Variants in MCMBP observed in about 807,000 individuals in gnomAD.
The protein encoded by MCMBP is mini-chromosome maintenance complex-binding protein.
MCMBP carries 31 observed loss-of-function variants against 81.3 expected under a neutral mutation model. That is an observed-to-expected ratio of 0.38 (90% CI 0.29 to 0.51). MCMBP has a LOEUF of 0.51. MCMBP is among the 20% of genes least tolerant of loss of function. The pLI is 0.87. For missense variants in MCMBP, 645 were observed against 772.1 expected (o/e 0.84, Z 1.95); for synonymous variants, 267 against 275.9 (o/e 0.97, Z 0.32).
In MCMBP at chr10:119,855,422, G is replaced by A. The variant is rs185440978; in HGVS notation, c.429+1916C>T. Among the ~76,000 whole-genome samples the A allele has an allele frequency of 8.5e-4, 130 of 152,214 alleles. 1 individual carries two copies. In the East Asian group the frequency reaches 0.02, roughly 23 times the overall value. ...CGCGGTGGCTCACGCCTGTAATCCC[G>A]GCACTTTGGGAGGTTGAGGCAGGTG... On this transcript the variant is annotated intron_variant, in intron 5 of 15. Coordinates refer to ENST00000369077, the MANE Select transcript of MCMBP (RefSeq NM_001256378.2).
At chr10:119,871,459 ACAG>A (rs1214690817) in intron 1 of MCMBP, among the ~76,000 whole-genome samples, 1 of 152,056 alleles carries the variant, frequency 6.6e-6, no homozygotes, top group South Asian at 2.1e-4. Flanking sequence ...GCCATTAGTT[ACAG>A]CCTGGGAAGC....
chr10:119,848,242 C>A (rs17681289), intron 7 of MCMBP, among the ~76,000 whole-genome samples: 16,470 of 151,590 alleles, frequency 0.11, 950 homozygotes, highest in South Asian at 0.17. Flanking sequence ...ACTGATTAGA[C>A]CTGGTAGAAG....
Position 119,859,105 on chromosome 10 carries a change from T to C in MCMBP, c.221A>G (p.Asp74Gly). 6.2e-7 allele frequency: 1 copy of C among 1,613,890 alleles called. No homozygotes were observed. Among genetic ancestry groups the C allele is most frequent in the Non-Finnish European group, 8.5e-7 (1 of 1,179,854 alleles). Residue 74 changes from aspartate (D) to glycine (G), a missense_variant, in exon 3 of 16, where the codon GAT becomes GGT. Coordinates refer to ENST00000369077, the MANE Select transcript of MCMBP (RefSeq NM_001256378.2). ...SFVKFRCMIQ[D>G]MFDPEFYMGV... ...CATGTAAAACTCAGGGTCAAACATA[T>C]CCTGAATCATGCAACGAAATTTCAC... is the stretch of plus-strand genomic sequence containing the variant.
At chr10:119,850,666 G>A (rs1170531559) in intron 6 of MCMBP, among the ~76,000 whole-genome samples, 9 of 148,538 alleles carry the variant, frequency 6.1e-5, no homozygotes, top group East Asian at 2.1e-4. Context: ...GGAGAATGGC[G>A]TGAACCCAGG....
Position 119,830,658 on chromosome 10 carries a change from G to A in MCMBP, c.*816C>T, listed in dbSNP as rs986363534. The A allele has an allele frequency of 6.6e-6, 1 of 152,522 alleles. No individual in the cohort carries two copies. Among genetic ancestry groups the A allele is most frequent in the Non-Finnish European group, 1.5e-5 (1 of 68,030 alleles). The allele number at this position is 152,522 out of a possible 1,614,324, so 9.4% of individuals were successfully genotyped here. A position where few individuals can be genotyped will look rare whatever the true frequency, so the allele number is the denominator to read the frequency against. ...GATAGGAGAAAATAAAGACAATGTA[G>A]TGTCTTGGTTTCTTTTGCCCCCAAA... On this transcript the variant is annotated 3_prime_UTR_variant, in exon 16 of 16. Transcript: ENST00000369077.
chr10:119,835,703 G>C lies in MCMBP; in HGVS notation c.1544C>G (p.Ala515Gly). 6.2e-7 allele frequency: 1 copy of C among 1,614,108 alleles called. No individual in the cohort carries two copies. Among genetic ancestry groups the C allele is most frequent in the Non-Finnish European group, 8.5e-7 (1 of 1,179,998 alleles). The change falls in exon 14 of 16, where the codon GCA (alanine) becomes GGA (glycine). Residue 515 changes from alanine to glycine, a missense_variant and splice_region_variant. By Grantham distance (60) the Ala-to-Gly change is moderately conservative (BLOSUM62 0). Coordinates refer to ENST00000369077, the MANE Select transcript of MCMBP (RefSeq NM_001256378.2). ...ITSEGRSLLP[A>G]DCQIHLQPQL... The stretch of plus-strand genomic sequence containing the variant: ...GGGCTGTAAGTGAATCTGGCAGTCT[G>C]CCTGAAAAGAGAAGGAGTACACTGT...
intron 7 of MCMBP, 94 bp downstream of exon 7, chr10:119,849,331 C>A: frequency 1.5e-6 from 2 of 1,325,224 alleles, no homozygotes; most frequent in South Asian, 1.4e-5. Context: ...TATAGCTAGC[C>A]CAGCACAAGG....
intron 6 of MCMBP, among the ~76,000 whole-genome samples, chr10:119,850,194 T>C (rs768624070): frequency 1.3e-5 from 2 of 152,036 alleles, no homozygotes; most frequent in Non-Finnish European, 2.9e-5. Context: ...ATGCAACAAT[T>C]GGGATGGATC....
chr10:119,867,662 A>G (rs1853520974), intron 1 of MCMBP, among the ~76,000 whole-genome samples: 2 of 152,180 alleles, frequency 1.3e-5, no homozygotes, highest in African/African-American at 4.8e-5. Flanking sequence ...TTTGGGAGAC[A>G]TGGAGTAGAG....
At chr10:119,873,236 GC>G (rs933221406), upstream of MCMBP, among the ~76,000 whole-genome samples, 2 of 152,206 alleles carry the variant, frequency 1.3e-5, no homozygotes, top group Non-Finnish European at 2.9e-5. Flanking sequence ...TCCTCTTCGT[GC>G]CTTTTTTTTC....
intron 5 of MCMBP, 137 bp downstream of exon 5, chr10:119,857,201 C>T (rs1162086133): frequency 2.0e-5 from 11 of 546,842 alleles, no homozygotes; most frequent in Non-Finnish European, 2.9e-5. Context: ...ATACTTAGCC[C>T]GTTTTATGGG....
At chr10:119,839,431 A>G (rs1168762936) in intron 11 of MCMBP, among the ~76,000 whole-genome samples, 4 of 152,160 alleles carry the variant, frequency 2.6e-5, no homozygotes, top group African/African-American at 9.7e-5. Context: ...GGTAAGATAT[A>G]TTGCGAAAAT....
chr10:119,835,238 A>T (rs1001228804), intron 14 of MCMBP, among the ~76,000 whole-genome samples: 12 of 152,170 alleles, frequency 7.9e-5, no homozygotes, highest in Admixed American at 2.0e-4. Context: ...AATTTTTTTT[A>T]AATTAAAAAT....
At chr10:119,834,624 C>G (rs1048695321) in intron 14 of MCMBP, among the ~76,000 whole-genome samples, 1 of 151,776 alleles carries the variant, frequency 6.6e-6, no homozygotes, top group Admixed American at 6.6e-5. Context: ...CGAGACTAGC[C>G]TGGGCAACAT....
At chr10:119,866,714 G>A (rs1042059344) in intron 1 of MCMBP, among the ~76,000 whole-genome samples, 2 of 152,142 alleles carry the variant, frequency 1.3e-5, no homozygotes, top group Admixed American at 6.5e-5. Flanking sequence ...ATTTTAAAAT[G>A]TTAAATTTTG....
intron 14 of MCMBP, among the ~76,000 whole-genome samples, chr10:119,834,913 A>G (rs905141916): frequency 1.3e-5 from 2 of 151,490 alleles, no homozygotes; most frequent in African/African-American, 4.8e-5. Flanking sequence ...CCTGCCATGC[A>G]AGAAACACTA....
chr10:119,866,721 TTTG>T (rs1429486527), intron 1 of MCMBP, among the ~76,000 whole-genome samples: 3 of 152,178 alleles, frequency 2.0e-5, no homozygotes, highest in Non-Finnish European at 4.4e-5. Flanking sequence ...AATGTTAAAT[TTTG>T]TTATGTGAAT....
chr10:119,866,138 G>A lies in MCMBP; in HGVS notation c.59-6254C>T, dbSNP rs137858215. On this transcript the variant is annotated intron_variant, in intron 1 of 15. Transcript: ENST00000369077. ...GCAGTACTGATGCATACTATGACAT[G>A]GATGAACCATGAAAATATCATGGTA... 9.6e-4 allele frequency among the ~76,000 whole-genome samples: 146 copies of A among 151,746 alleles called. 1 individual carries two copies. The highest frequency in any genetic ancestry group is 3.5e-3 in the African/African-American group (143 of 41,366).
chr10:119,863,909 A>G (rs1853355321), intron 1 of MCMBP, among the ~76,000 whole-genome samples: 1 of 152,080 alleles, frequency 6.6e-6, no homozygotes, highest in African/African-American at 2.4e-5. Context: ...CTCCCACCCA[A>G]CCAAGATACT....
Sources: allele counts gnomAD v4.1 joint callset (sites outside exome capture counted in the v4.1 genomes callset), GRCh38; gene constraint gnomAD v4.1.1; transcripts MANE v1.5; gene names NCBI Gene and HGNC (gene_info 2026-07-23, HGNC 2026-07-21).